The following CSRNP3 variants were observed in gnomAD, a reference collection of about 807,000 sequenced individuals.
CSRNP3 encodes cysteine/serine-rich nuclear protein 3.
Under a neutral mutation model 48.0 loss-of-function variants are expected in CSRNP3, and 12 were observed. The observed-to-expected ratio is 0.25, with a 90% CI of 0.16 to 0.41. The LOEUF (loss-of-function observed/expected upper bound fraction) is 0.41, where lower values mean the gene tolerates loss of function less well. Among genes scored for constraint, CSRNP3 ranks in the 10% least tolerant of loss-of-function variants. The probability of loss-of-function intolerance (pLI) is 1.00; values close to 1 mark genes in which losing one functional copy is unlikely to be tolerated. For synonymous variants in CSRNP3, 263 were observed against 269.7 expected, an observed-to-expected ratio of 0.98 and a Z score of 0.24; for missense variants, 580 against 724.4, an observed-to-expected ratio of 0.80 and a Z score of 2.29.
chr2:165,633,341 A>G (rs1027120038), intron 4 of CSRNP3, among the ~76,000 whole-genome samples: 7 of 152,216 alleles, frequency 4.6e-5, no homozygotes, highest in African/African-American at 1.4e-4. Flanking sequence ...TGTCTTTAAG[A>G]AAGAAAGTAA....
At chr2:165,472,320 TA>T (rs1303134294) in intron 1 of CSRNP3, among the ~76,000 whole-genome samples, 2 of 151,998 alleles carry the variant, frequency 1.3e-5, no homozygotes, top group Non-Finnish European at 2.9e-5. Context: ...TTAATATGTA[TA>T]AAAAATTACA....
At chr2:165,666,365 A>AAG (rs1402453006) in intron 5 of CSRNP3, among the ~76,000 whole-genome samples, 5 of 66,704 alleles carry the variant, frequency 7.5e-5, no homozygotes, top group African/African-American at 1.8e-4. Flanking sequence ...GAAGGAAGGA[A>AAG]AGAGAGAGGA....
intron 3 of CSRNP3, among the ~76,000 whole-genome samples, chr2:165,565,582 G>C (rs1010216009): frequency 1.3e-5 from 2 of 151,922 alleles, no homozygotes; most frequent in African/African-American, 4.8e-5. Context: ...ATGTAATAGT[G>C]CTCTTTGATA....
intron 3 of CSRNP3, among the ~76,000 whole-genome samples, chr2:165,520,794 T>TAGAA: frequency 4.3e-5 from 1 of 23,178 alleles, no homozygotes; most frequent in East Asian, 3.1e-3. Flanking sequence ...TATATATATA[T>TAGAA]ATATATATAT....
chr2:165,532,878 C>T (rs1239143428), intron 3 of CSRNP3, among the ~76,000 whole-genome samples: 1 of 152,074 alleles, frequency 6.6e-6, no homozygotes, highest in Non-Finnish European at 1.5e-5. Flanking sequence ...GATACAAAAT[C>T]AATGTACAAA....
At chr2:165,575,433 A>G (rs1285925710) in intron 3 of CSRNP3, among the ~76,000 whole-genome samples, 2 of 152,082 alleles carry the variant, frequency 1.3e-5, no homozygotes, top group East Asian at 1.9e-4. Flanking sequence ...TACAGGTTGT[A>G]TGTGTATGAA....
At chr2:165,653,210 T>G (rs1396160071) in intron 4 of CSRNP3, among the ~76,000 whole-genome samples, 2 of 152,202 alleles carry the variant, frequency 1.3e-5, no homozygotes, top group African/African-American at 4.8e-5. Flanking sequence ...GGCTCTTAAC[T>G]TCAGGAAAGC....
At chr2:165,669,291 T>C (rs918089030) in intron 5 of CSRNP3, among the ~76,000 whole-genome samples, 1 of 152,230 alleles carries the variant, frequency 6.6e-6, no homozygotes, top group Non-Finnish European at 1.5e-5. Context: ...TTTTTGTTTT[T>C]TGTTTTATTT....
intron 3 of CSRNP3, among the ~76,000 whole-genome samples, chr2:165,584,880 T>A (rs1685602479): frequency 1.3e-5 from 2 of 152,098 alleles, no homozygotes; most frequent in Admixed American, 1.3e-4. Context: ...ACACTAAGGA[T>A]AGATGATGAG....
chr2:165,577,691 T>A (rs1374767717), intron 3 of CSRNP3, among the ~76,000 whole-genome samples: 1 of 151,718 alleles, frequency 6.6e-6, no homozygotes, highest in Admixed American at 6.6e-5. Flanking sequence ...TATATATAAT[T>A]TTATATGCTT....
At chr2:165,485,983 A>C (rs1326462311) in intron 1 of CSRNP3, among the ~76,000 whole-genome samples, 2 of 152,170 alleles carry the variant, frequency 1.3e-5, no homozygotes, top group East Asian at 3.9e-4. Context: ...TACAGCTCCC[A>C]GCGTGAGCGA....
intron 5 of CSRNP3, among the ~76,000 whole-genome samples, chr2:165,667,410 A>AT (rs1158293201): frequency 6.6e-6 from 1 of 152,048 alleles, no homozygotes; most frequent in Non-Finnish European, 1.5e-5. Context: ...CTTTTTAAGT[A>AT]TTTTTTTCTA....
intron 3 of CSRNP3, among the ~76,000 whole-genome samples, chr2:165,529,525 A>G (rs925012503): frequency 2.6e-5 from 4 of 151,964 alleles, no homozygotes; most frequent in Non-Finnish European, 5.9e-5. Flanking sequence ...CATTAAACCT[A>G]TTTTTCTTCC....
chr2:165,617,472 T>C (rs981369864), intron 4 of CSRNP3, among the ~76,000 whole-genome samples: 2 of 152,128 alleles, frequency 1.3e-5, no homozygotes, highest in Admixed American at 1.3e-4. Flanking sequence ...CAGCAGTTGT[T>C]TGTGGAGGCT....
At chr2:165,650,348 A>G (rs1276556340) in intron 4 of CSRNP3, among the ~76,000 whole-genome samples, 8 of 152,156 alleles carry the variant, frequency 5.3e-5, no homozygotes, top group Non-Finnish European at 1.2e-4. Context: ...TGCTAGACCC[A>G]TTTTTACTTG....
chr2:165,669,762 T>C (rs1380654241), intron 5 of CSRNP3, among the ~76,000 whole-genome samples: 1 of 152,132 alleles, frequency 6.6e-6, no homozygotes, highest in Admixed American at 6.5e-5. Flanking sequence ...ACTAAGTCCA[T>C]CTTAAGTGTC....
At chr2:165,666,249 G>A (rs1687197591) in intron 5 of CSRNP3, among the ~76,000 whole-genome samples, 1 of 116,234 alleles carries the variant, frequency 8.6e-6, no homozygotes, top group Non-Finnish European at 1.7e-5. Flanking sequence ...AGAGAGAGAG[G>A]AAGAAAGAAA....
chr2:165,646,368 G>T (rs1686812232), intron 4 of CSRNP3, among the ~76,000 whole-genome samples: 1 of 152,050 alleles, frequency 6.6e-6, no homozygotes, highest in Admixed American at 6.6e-5. Flanking sequence ...GTTTTTAAGT[G>T]ATGTTCTGAC....
intron 5 of CSRNP3, among the ~76,000 whole-genome samples, chr2:165,658,838 C>T (rs1344548765): frequency 1.3e-5 from 2 of 152,176 alleles, no homozygotes; most frequent in Non-Finnish European, 2.9e-5. Context: ...AATTATCCCC[C>T]ACTGGGTCCC....
Sources: gnomAD v4.1 joint callset for allele counts (sites outside exome capture counted in the v4.1 genomes callset) on GRCh38, gnomAD v4.1.1 for gene constraint, MANE v1.5 for transcripts, NCBI Gene and HGNC (gene_info 2026-07-23, HGNC 2026-07-21) for gene names.